The following ZC3H18 variants were observed in gnomAD, a reference collection of about 807,000 sequenced individuals.
The protein encoded by ZC3H18 is zinc finger CCCH domain-containing protein 18.
Under a neutral mutation model 106.1 loss-of-function variants are expected in ZC3H18, and 8 were observed. The observed-to-expected ratio is 0.08, with a 90% CI of 0.04 to 0.14. The LOEUF (loss-of-function observed/expected upper bound fraction) is 0.14. ZC3H18 is among the 10% of genes least tolerant of loss of function. The probability of loss-of-function intolerance (pLI) is 1.00; values close to 1 mark genes in which losing one functional copy is unlikely to be tolerated. For missense variants in ZC3H18, 1,318 were observed against 1,278.4 expected (o/e 1.03, Z -0.47); for synonymous variants, 635 against 522.1 (o/e 1.22, Z -2.95).
intron 8 of ZC3H18, among the ~76,000 whole-genome samples, 163 bp downstream of exon 8, chr16:88,611,699 C>T (rs1323185756): frequency 6.6e-6 from 1 of 152,220 alleles, no homozygotes; most frequent in Non-Finnish European, 1.5e-5. Context: ...ACCCAGAGCT[C>T]TCCAACGCAG....
chr16:88,602,926 G>A (rs1415435726), intron 6 of ZC3H18, among the ~76,000 whole-genome samples: 1 of 152,094 alleles, frequency 6.6e-6, no homozygotes, highest in Admixed American at 6.6e-5. Flanking sequence ...GACTTTTCGA[G>A]AAGTCTTGAG....
At chr16:88,581,170 C>A (rs77018456) in intron 2 of ZC3H18, among the ~76,000 whole-genome samples, 8,223 of 152,272 alleles carry the variant, frequency 0.054, 721 homozygotes, top group African/African-American at 0.19. Flanking sequence ...ATTTTTGTTG[C>A]TTTTAATTTA....
intron 11 of ZC3H18, 198 bp downstream of exon 11, chr16:88,624,260 A>C: frequency 1.3e-6 from 1 of 751,590 alleles, no homozygotes. Flanking sequence ...ACACAGCAGC[A>C]CTCCCTCGGG....
At chr16:88,624,558 C>T (rs1422977175) in intron 11 of ZC3H18, 44 bp from the exon 12 acceptor site, 1 of 1,612,448 alleles carries the variant, frequency 6.2e-7, no homozygotes. Context: ...CCAGCGGGGC[C>T]CCGTCCACCA....
chr16:88,571,733 A>G (rs1325399993), intron 1 of ZC3H18: 2 of 962,230 alleles, frequency 2.1e-6, no homozygotes, highest in Non-Finnish European at 2.5e-6. Flanking sequence ...ACAGCTACAG[A>G]GCATCTCAAG....
At chr16:88,631,023 C>T in intron 17 of ZC3H18, 78 bp from the exon 18 acceptor site, 3 of 1,566,220 alleles carry the variant, frequency 1.9e-6, no homozygotes, top group Non-Finnish European at 2.6e-6. Context: ...ACAGTGGAAG[C>T]GCCCCTACGG....
intron 1 of ZC3H18, among the ~76,000 whole-genome samples, chr16:88,576,122 G>A (rs1202334167): frequency 6.6e-6 from 1 of 152,034 alleles, no homozygotes; most frequent in African/African-American, 2.4e-5. Flanking sequence ...GGATGGTCTC[G>A]ATCTCCTGAC....
At chr16:88,573,764 C>T (rs1021531915) in intron 1 of ZC3H18, among the ~76,000 whole-genome samples, 1 of 151,878 alleles carries the variant, frequency 6.6e-6, no homozygotes, top group African/African-American at 2.4e-5. Flanking sequence ...TGGATAGTAA[C>T]CGAATAGTGT....
rs147657404 is a variant in ZC3H18 at position 88,606,785 on chromosome 16, G to A, written c.1089-2149G>A. Among the ~76,000 whole-genome samples the A allele has an allele frequency of 4.6e-5, 7 of 152,282 alleles. No individual in the cohort carries two copies. In the East Asian group the frequency reaches 5.8e-4, roughly 13 times the overall value. On this transcript the variant is annotated intron_variant, in intron 6 of 17. Transcript: ENST00000301011. Reference sequence around the variant, plus strand: ...GTGCACATTAGATTGAACGGTGTCCGACTGATGGGAACGGACTGAAGCTGT... The same window carrying A: ...GTGCACATTAGATTGAACGGTGTCCAACTGATGGGAACGGACTGAAGCTGT...
chr16:88,586,771 G>C (rs1356820677), intron 3 of ZC3H18, 87 bp downstream of exon 3: 1 of 1,077,400 alleles, frequency 9.3e-7, no homozygotes, highest in Non-Finnish European at 1.4e-6. Flanking sequence ...GCCAGGCCCT[G>C]CTCTGCTCAA....
At chr16:88,592,739 A>T (rs1412106953) in intron 3 of ZC3H18, among the ~76,000 whole-genome samples, 1 of 152,220 alleles carries the variant, frequency 6.6e-6, no homozygotes, top group African/African-American at 2.4e-5. Context: ...GGCCTCCCAA[A>T]TCGAAACTAT....
chr16:88,589,952 T>C (rs1009420712), intron 3 of ZC3H18, among the ~76,000 whole-genome samples: 11 of 152,248 alleles, frequency 7.2e-5, no homozygotes, highest in African/African-American at 2.2e-4. Flanking sequence ...TTTTATGTTA[T>C]GTGAATTGTG....
chr16:88,628,842 T>C lies in ZC3H18; in HGVS notation c.2554T>C (p.Ser852Pro), dbSNP rs776905783. The C allele has an allele frequency of 2.5e-6, 4 of 1,613,814 alleles. No homozygotes were observed. The highest frequency in any genetic ancestry group is 1.7e-6 in the Non-Finnish European group (2 of 1,179,884). Reference sequence around the variant, plus strand: ...TCCTCCAGCCAAGCGGCCCAACACATCCCCAGACCGAGGTGAGCCTCCCAG... The same window carrying C: ...TCCTCCAGCCAAGCGGCCCAACACACCCCCAGACCGAGGTGAGCCTCCCAG... ...SPPPAKRPNT[S>P]PDRGSRDRKS... The change falls in exon 16 of 18, where the codon TCC becomes CCC. Residue 852 changes from serine (S) to proline (P), a missense_variant. Ser to Pro is a moderately conservative substitution (Grantham distance 74). This residue lies in a region of ZC3H18 where 848 missense variants were observed against 821.7 expected (regional missense o/e 1.03). Transcript: ENST00000301011.
chr16:88,602,743 A>C (rs1246905161), intron 6 of ZC3H18, among the ~76,000 whole-genome samples: 1 of 152,076 alleles, frequency 6.6e-6, no homozygotes, highest in Non-Finnish European at 1.5e-5. Flanking sequence ...CAACTCCTGG[A>C]CTCAAGCAAT....
chr16:88,612,830 G>A (rs1222350634), intron 8 of ZC3H18, among the ~76,000 whole-genome samples: 4 of 151,322 alleles, frequency 2.6e-5, no homozygotes, highest in Admixed American at 6.6e-5. Context: ...GCAAAATCCC[G>A]TCTCTACAAA....
Position 88,627,759 on chromosome 16 carries a change from C to T in ZC3H18, c.2246C>T (p.Pro749Leu). ...VSSASSRSPA[P>L]AQTRKEKGKS... is the part of the protein sequence containing the mutation. ...TCAGCCAGCTCTCGGTCCCCGGCCC[C>T]AGCCCAGACCAGGAAGGAGAAAGGT... is the stretch of plus-strand genomic sequence containing the variant. The change falls in exon 14 of 18, where the codon CCA becomes CTA. Residue 749 changes from proline to leucine, a missense_variant. Around this residue, in one of 6 missense-constraint regions of ZC3H18, gnomAD observed 848 missense variants for 821.7 expected, o/e 1.03. Transcript: ENST00000301011. The surrounding 1 kb of genome is among the most constrained non-coding windows in gnomAD (Gnocchi z 4.5). 6.2e-7 allele frequency: 1 copy of T among 1,612,300 alleles called. No individual in the cohort carries two copies. Among genetic ancestry groups the T allele is most frequent in the Non-Finnish European group, 8.5e-7 (1 of 1,178,858 alleles).
intron 16 of ZC3H18, among the ~76,000 whole-genome samples, chr16:88,629,463 C>G (rs1298374493): frequency 6.6e-6 from 1 of 152,144 alleles, no homozygotes; most frequent in African/African-American, 2.4e-5. Flanking sequence ...GCAACAAGAG[C>G]AACTGTATTT....
rs2142831922 is a variant in ZC3H18 at position 88,627,292 on chromosome 16, ACTC to A, written c.2109-327_2109-325del. ...ACCATGTTGGCCAAGCTGGTCCCGA[ACTC>A]CTGACATCAGTTCAGCTGGGTCTCA... On this transcript the variant is annotated intron_variant, in intron 13 of 17. Coordinates refer to ENST00000301011, the MANE Select transcript of ZC3H18 (RefSeq NM_144604.4). The surrounding 1 kb of genome is among the most constrained non-coding windows in gnomAD (Gnocchi z 4.5). 4.8e-6 allele frequency: 1 copy of A among 210,178 alleles called. No homozygotes were observed. The highest frequency in any genetic ancestry group is 1.1e-4 in the East Asian group (1 of 9,204). The allele number at this position is 210,178 out of a possible 1,614,324, so 13.0% of individuals were successfully genotyped here. A position where few individuals can be genotyped will look rare whatever the true frequency, so the allele number is the denominator to read the frequency against.
chr16:88,627,975 C>A lies in ZC3H18; in HGVS notation c.2325C>A (p.Ser775=). ...VKEEKRKRDS[S]TQPPKSAKPP... is the part of the protein sequence containing the mutation. ...AGGAAAAGCGGAAAAGGGATTCGTCCACACAACCACCCAAATCTGCAAAAC... is the reference window on the plus strand; with the variant it reads ...AGGAAAAGCGGAAAAGGGATTCGTCAACACAACCACCCAAATCTGCAAAAC... The change falls in exon 15 of 18, where the codon TCC becomes TCA. Residue 775 remains serine (S), a synonymous_variant. Transcript: ENST00000301011. This position sits in a 1 kb window ranked among gnomAD's most constrained non-coding sequence, Gnocchi z 4.5. 6.2e-7 allele frequency: 1 copy of A among 1,614,136 alleles called. No individual in the cohort carries two copies. Among genetic ancestry groups the A allele is most frequent in the Non-Finnish European group, 8.5e-7 (1 of 1,180,034 alleles).
Sources: allele counts gnomAD v4.1 joint callset (sites outside exome capture counted in the v4.1 genomes callset), GRCh38; gene constraint gnomAD v4.1.1; regional missense constraint gnomAD v4.1.1; non-coding constraint Gnocchi (gnomAD v3.1); transcripts MANE v1.5; gene names NCBI Gene and HGNC (gene_info 2026-07-23, HGNC 2026-07-21).